DPP6: variants seen among roughly 807,000 people sequenced by gnomAD.
The protein encoded by DPP6 is A-type potassium channel modulatory protein DPP6.
A neutral mutation model predicts 122.6 loss-of-function variants in DPP6; 69 were observed. That is an observed-to-expected ratio of 0.56 (90% CI 0.46 to 0.69). The LOEUF (loss-of-function observed/expected upper bound fraction) is 0.69, where lower values mean the gene tolerates loss of function less well. Ranked by LOEUF, DPP6 falls within the 30% of genes least tolerant of loss-of-function variation. The probability of loss-of-function intolerance (pLI) is 0.00; values close to 1 mark genes in which losing one functional copy is unlikely to be tolerated. For missense variants in DPP6, 928 were observed against 1,116.9 expected (o/e 0.83, Z 2.41); for synonymous variants, 418 against 433.1 (o/e 0.97, Z 0.43).
In DPP6 at chr7:154,893,724, ATG is replaced by A. The variant is rs1479569357; in HGVS notation, c.*1250_*1251del. Reference sequence around the variant, plus strand: ...CATTCTCTTGTATATAAAGGAAGCAATGTGTGTCAGGCCTCTGTGCAGTCAAC... The same window carrying A: ...CATTCTCTTGTATATAAAGGAAGCAATGTGTCAGGCCTCTGTGCAGTCAAC... On this transcript the variant is annotated 3_prime_UTR_variant, in exon 26 of 26. Coordinates refer to ENST00000377770, the MANE Select transcript of DPP6 (RefSeq NM_130797.4). The A allele has an allele frequency of 6.6e-6, 1 of 152,140 alleles. No homozygotes were observed. The highest frequency in any genetic ancestry group is 6.5e-5 in the Admixed American group (1 of 15,276). The allele number at this position is 152,140 out of a possible 1,614,324, so 9.4% of individuals were successfully genotyped here. A position where few individuals can be genotyped will look rare whatever the true frequency, so the allele number is the denominator to read the frequency against.
chr7:154,164,412 T>G (rs1440215264), intron 1 of DPP6, among the ~76,000 whole-genome samples: 1 of 152,194 alleles, frequency 6.6e-6, no homozygotes, highest in Non-Finnish European at 1.5e-5. Context: ...GTCGTTGTGT[T>G]TGACTTGATG....
At chr7:154,388,805 A>G (rs1025918071) in intron 1 of DPP6, among the ~76,000 whole-genome samples, 7 of 152,186 alleles carry the variant, frequency 4.6e-5, no homozygotes, top group African/African-American at 1.7e-4. Context: ...AAAGGAAAGT[A>G]GATTTCAGGT....
chr7:154,367,305 C>T (rs901906394), intron 1 of DPP6, among the ~76,000 whole-genome samples: 7 of 152,202 alleles, frequency 4.6e-5, no homozygotes, highest in African/African-American at 1.7e-4. Flanking sequence ...AACCTGGAGC[C>T]ACAGTGTGAT....
At chr7:154,586,216 A>G (rs1288498783) in intron 5 of DPP6, among the ~76,000 whole-genome samples, 1 of 152,124 alleles carries the variant, frequency 6.6e-6, no homozygotes, top group Admixed American at 6.5e-5. Flanking sequence ...GACCGGGCAC[A>G]GTGATTCATG....
chr7:154,183,378 T>A (rs10264009), intron 1 of DPP6, among the ~76,000 whole-genome samples: 2,818 of 152,278 alleles, frequency 0.019, 64 homozygotes, highest in African/African-American at 0.065. Context: ...AAACAGAAGG[T>A]GCCTGGGTGA....
At chr7:153,933,301 T>C (rs976856632) in intron 1 of DPP6, among the ~76,000 whole-genome samples, 1 of 152,338 alleles carries the variant, frequency 6.6e-6, no homozygotes, top group Non-Finnish European at 1.5e-5. Flanking sequence ...AAATTTGCCT[T>C]ATGTTCCATA....
chr7:153,849,389 C>A, the DPP6 span, among the ~76,000 whole-genome samples: 1 of 151,926 alleles, frequency 6.6e-6, no homozygotes, highest in African/African-American at 2.4e-5. Context: ...GTCGTCCTTG[C>A]TGGGTTCTAA....
the DPP6 span, among the ~76,000 whole-genome samples, chr7:153,806,916 A>G: frequency 6.6e-6 from 1 of 151,892 alleles, no homozygotes; most frequent in Non-Finnish European, 1.5e-5. Flanking sequence ...ATTTACCAAA[A>G]TGTTCTAGGG....
the DPP6 span, among the ~76,000 whole-genome samples, chr7:153,852,291 G>A: frequency 6.6e-6 from 1 of 152,128 alleles, no homozygotes; most frequent in South Asian, 2.1e-4. Context: ...AAGAAAAGAG[G>A]TTTAATTGTC....
At chr7:154,623,645 GCACACACGCGCA>G (rs1174322294) in intron 5 of DPP6, among the ~76,000 whole-genome samples, 7,082 of 62,832 alleles carry the variant, frequency 0.11, 530 homozygotes, top group African/African-American at 0.31. Flanking sequence ...GCACACACGC[GCACACACGCGCA>G]CACACACGCA....
intron 1 of DPP6, among the ~76,000 whole-genome samples, chr7:154,248,391 T>C (rs1308170639): frequency 1.3e-5 from 2 of 151,978 alleles, no homozygotes; most frequent in Admixed American, 1.3e-4. Flanking sequence ...TGTAATTCAG[T>C]ATGTAAGAAG....
chr7:154,749,505 TTTAC>T lies in DPP6; in HGVS notation c.884-19910_884-19907del, dbSNP rs1563167188. Among the ~76,000 whole-genome samples, 117 of 139,068 alleles carry T rather than the reference TTTAC, an allele frequency of 8.4e-4. 1 individual carries two copies. The highest frequency in any genetic ancestry group is 3.0e-3 in the African/African-American group (109 of 36,588). 91.2% of individuals were successfully genotyped at this position (139,068 alleles called of 152,430 possible). On this transcript the variant is annotated intron_variant, in intron 8 of 25. Coordinates refer to ENST00000377770, the MANE Select transcript of DPP6 (RefSeq NM_130797.4). Reference sequence around the variant, plus strand: ...GGACGGGAGAGAGAGGGATGGAGGCTTTACTGAGAGAGGGTGAGAGAGCATAGGA... The same window carrying T: ...GGACGGGAGAGAGAGGGATGGAGGCTTGAGAGAGGGTGAGAGAGCATAGGA...
intron 1 of DPP6, among the ~76,000 whole-genome samples, chr7:153,954,687 C>G (rs528952302): frequency 6.6e-6 from 1 of 152,114 alleles, no homozygotes; most frequent in Non-Finnish European, 1.5e-5. Flanking sequence ...GTTGAAGGCC[C>G]AAATAGAGCA....
chr7:154,559,047 A>C (rs1274514144), intron 4 of DPP6, among the ~76,000 whole-genome samples: 17 of 152,170 alleles, frequency 1.1e-4, no homozygotes, highest in Admixed American at 1.1e-3. Flanking sequence ...ATGAGGAGAA[A>C]TATCAGTTGA....
At position 154,787,233 on chromosome 7, in the gene DPP6, C is replaced by T. The variant is rs377273275; in HGVS notation, c.1137-6846C>T. The stretch of plus-strand genomic sequence containing the variant: ...CCTTGTCATTGCACATCACACTACC[C>T]GTAGGTAACTACTGTGAGAAATTTG... On this transcript the variant is annotated intron_variant, in intron 10 of 25. Coordinates refer to ENST00000377770, the MANE Select transcript of DPP6 (RefSeq NM_130797.4). Among the ~76,000 whole-genome samples the T allele has an allele frequency of 7.9e-5, 12 of 152,242 alleles. No homozygotes were observed. In the South Asian group the frequency reaches 1.2e-3, roughly 16 times the overall value.
intron 1 of DPP6, chr7:154,092,753 G>T (rs1369267048): frequency 6.6e-6 from 1 of 151,960 alleles, no homozygotes; most frequent in Non-Finnish European, 1.5e-5. Context: ...AGTAATTGTG[G>T]GGCGATTTTT....
rs138549356 is a variant in DPP6 at position 153,891,675 on chromosome 7, C to G, written c.51+3941C>G. Among the ~76,000 whole-genome samples, 18 of 152,280 alleles carry G rather than the reference C, an allele frequency of 1.2e-4. No individual in the cohort carries two copies. In the East Asian group the frequency reaches 3.5e-3, roughly 29 times the overall value. ...GGGTGTTGCTTCGTGCTGAATTCCC[C>G]TACTCTGTCCATATGAGCTTTTTTC... is the stretch of plus-strand genomic sequence containing the variant. On this transcript the variant is annotated intron_variant, in intron 1 of 25. Transcript: ENST00000404039.
intron 7 of DPP6, among the ~76,000 whole-genome samples, chr7:154,725,936 A>G (rs564353996): frequency 6.6e-6 from 1 of 152,218 alleles, no homozygotes; most frequent in Non-Finnish European, 1.5e-5. Flanking sequence ...TACAGGCCAC[A>G]TGCAAGTCTG....
At chr7:153,871,008 G>A in the DPP6 span, among the ~76,000 whole-genome samples, 1 of 152,166 alleles carries the variant, frequency 6.6e-6, no homozygotes, top group Non-Finnish European at 1.5e-5. Context: ...CATTCCTCTG[G>A]AAGTTTTGTC....
Sources: allele counts gnomAD v4.1 joint callset (sites outside exome capture counted in the v4.1 genomes callset), GRCh38; gene constraint gnomAD v4.1.1; transcripts MANE v1.5; gene names NCBI Gene and HGNC (gene_info 2026-07-23, HGNC 2026-07-21).